Variants in TBC1D16 observed in about 807,000 individuals in gnomAD.
TBC1D16 encodes TBC1 domain family member 16.
TBC1D16 carries 58 observed loss-of-function variants against 74.7 expected under a neutral mutation model. The observed-to-expected ratio is 0.78, with a 90% CI of 0.63 to 0.97. TBC1D16 has a LOEUF of 0.97. TBC1D16 is among the 50% of genes least tolerant of loss of function. TBC1D16 has a pLI of 0.00. For missense variants in TBC1D16, 1,014 were observed against 1,079.5 expected (o/e 0.94, Z 0.85); for synonymous variants, 493 against 474.7 (o/e 1.04, Z -0.50).
chr17:79,956,542 C>G lies in TBC1D16; in HGVS notation c.780-3724G>C, dbSNP rs904443520. ...GTGCTGGGACTACAGGCGTGAGCCA[C>G]CACGCTGGGCCCGGTGGTCGCTTTA... is the stretch of plus-strand genomic sequence containing the variant. On this transcript the variant is annotated intron_variant, in intron 3 of 11. Transcript: ENST00000310924. The surrounding 1 kb of genome is among the most constrained non-coding windows in gnomAD (Gnocchi z 4.0). 6.6e-6 allele frequency among the ~76,000 whole-genome samples: 1 copy of G among 152,178 alleles called. No individual in the cohort carries two copies. Among genetic ancestry groups the G allele is most frequent in the Non-Finnish European group, 1.5e-5 (1 of 68,034 alleles).
intron 1 of TBC1D16, among the ~76,000 whole-genome samples, chr17:80,026,788 G>A: frequency 6.7e-6 from 1 of 149,752 alleles, no homozygotes; most frequent in South Asian, 2.1e-4. Flanking sequence ...CGGGGTTTGA[G>A]GGGGGCAAAG....
At chr17:80,033,166 A>G (rs929442107) in intron 1 of TBC1D16, among the ~76,000 whole-genome samples, 1 of 152,224 alleles carries the variant, frequency 6.6e-6, no homozygotes, top group African/African-American at 2.4e-5. Flanking sequence ...GGTCATTAAT[A>G]ACAGTGTTAA....
intron 3 of TBC1D16, among the ~76,000 whole-genome samples, chr17:79,973,117 T>C (rs917858920): frequency 4.6e-5 from 7 of 152,246 alleles, no homozygotes; most frequent in East Asian, 3.9e-4. Flanking sequence ...GTTATAGTGG[T>C]ACCTCCTTAT....
At chr17:80,034,130 G>C (rs2036862136) in intron 1 of TBC1D16, among the ~76,000 whole-genome samples, 1 of 152,146 alleles carries the variant, frequency 6.6e-6, no homozygotes, top group Middle Eastern at 3.4e-3. Context: ...ATGATAATTA[G>C]GAACTACTAA....
rs935392719 is a variant in TBC1D16 at position 80,020,327 on chromosome 17, T to G, written c.-62-6718A>C. 7.3e-5 allele frequency among the ~76,000 whole-genome samples: 11 copies of G among 149,958 alleles called. 1 individual carries two copies. The highest frequency in any genetic ancestry group is 2.8e-4 in the African/African-American group (11 of 39,350). On this transcript the variant is annotated intron_variant, in intron 1 of 11. Transcript: ENST00000310924. ...GGCCAGGTGTGGTGGCTCACGCCTG[T>G]AATCCCAGCACTTTGGAAGACTGAG...
In TBC1D16 at chr17:79,941,679, G is replaced by A. The variant is rs1192354606; in HGVS notation, c.2055+381C>T. 2.0e-5 allele frequency among the ~76,000 whole-genome samples: 3 copies of A among 152,226 alleles called. No homozygotes were observed. Among genetic ancestry groups the A allele is most frequent in the African/African-American group, 7.2e-5 (3 of 41,460 alleles). The stretch of plus-strand genomic sequence containing the variant: ...AGGTCCCCAGTATTCTGGCCACCCT[G>A]TCCCCAGGTCCAGCCTCCTTCTCAG... On this transcript the variant is annotated intron_variant, in intron 11 of 11. Transcript: ENST00000310924. The surrounding 1 kb of genome is among the most constrained non-coding windows in gnomAD (Gnocchi z 4.3).
rs1444032206 is a variant in TBC1D16 at position 79,980,320 on chromosome 17, A to G, written c.780-27502T>C. Among the ~76,000 whole-genome samples, 1 of 152,146 alleles carries G rather than the reference A, an allele frequency of 6.6e-6. No individual in the cohort carries two copies. The highest frequency in any genetic ancestry group is 1.5e-5 in the Non-Finnish European group (1 of 68,024). On this transcript the variant is annotated intron_variant, in intron 3 of 11. Transcript: ENST00000310924. This position sits in a 1 kb window ranked among gnomAD's most constrained non-coding sequence, Gnocchi z 7.0. ...CAAATTCCCCTTCTCTCTTGGCTTC[A>G]CGGCACGGGCTTCTTGACCACCATG...
chr17:79,975,605 C>T lies in TBC1D16; in HGVS notation c.780-22787G>A, dbSNP rs890777025. Among the ~76,000 whole-genome samples, 6 of 152,126 alleles carry T rather than the reference C, an allele frequency of 3.9e-5. No individual in the cohort carries two copies. Among genetic ancestry groups the T allele is most frequent in the Admixed American group, 3.3e-4 (5 of 15,274 alleles). Reference sequence around the variant, plus strand: ...ACAGAGGGTTGGGGACTGGGGGGGTCGTGCATGAAGACAGCCACCGCCCAC... The same window carrying T: ...ACAGAGGGTTGGGGACTGGGGGGGTTGTGCATGAAGACAGCCACCGCCCAC... On this transcript the variant is annotated intron_variant, in intron 3 of 11. Transcript: ENST00000310924. This position sits in a 1 kb window ranked among gnomAD's most constrained non-coding sequence, Gnocchi z 4.5.
chr17:79,950,477 G>A lies in TBC1D16; in HGVS notation c.1191C>T (p.Gly397=). The change falls in exon 6 of 12, where the codon GGC becomes GGT. Residue 397 remains glycine (G), a synonymous_variant. Coordinates refer to ENST00000310924, the MANE Select transcript of TBC1D16 (RefSeq NM_019020.4). This position sits in a 1 kb window ranked among gnomAD's most constrained non-coding sequence, Gnocchi z 4.6. ...HPEESMYKRL[G]VSAWLNHLNE... The stretch of plus-strand genomic sequence containing the variant: ...TCAGGTGGTTGAGCCAGGCGGAGAC[G>A]CCGAGCCTCTTGTACATGCTCTCCT... 1 of 1,612,908 alleles carries A rather than the reference G, an allele frequency of 6.2e-7. No homozygotes were observed. The highest frequency in any genetic ancestry group is 8.5e-7 in the Non-Finnish European group (1 of 1,179,834).
rs1462529459 is a variant in TBC1D16, at chr17:80,008,122, T to A, written c.779+2038A>T. 6.6e-6 allele frequency among the ~76,000 whole-genome samples: 1 copy of A among 151,742 alleles called. No homozygotes were observed. The highest frequency in any genetic ancestry group is 1.5e-5 in the Non-Finnish European group (1 of 67,980). On this transcript the variant is annotated intron_variant, in intron 3 of 11. Coordinates refer to ENST00000310924, the MANE Select transcript of TBC1D16 (RefSeq NM_019020.4). This position sits in a 1 kb window ranked among gnomAD's most constrained non-coding sequence, Gnocchi z 4.5. ...TGCTCTAGAAGAACCTGGAGGGACC[T>A]GGGCATCAGCGTCTAAAGGCTCCCC... is the stretch of plus-strand genomic sequence containing the variant.
intron 3 of TBC1D16, among the ~76,000 whole-genome samples, chr17:79,982,878 C>T (rs908903070): frequency 6.6e-6 from 1 of 152,078 alleles, no homozygotes; most frequent in East Asian, 1.9e-4. Flanking sequence ...CAAAAAAATT[C>T]CCTGTAGGCA....
chr17:80,011,148 C>A (rs1435621572), intron 2 of TBC1D16, among the ~76,000 whole-genome samples: 2 of 152,044 alleles, frequency 1.3e-5, no homozygotes, highest in South Asian at 2.1e-4. Context: ...CTCAAGCAAT[C>A]CTCCCACCTC....
Position 79,941,128 on chromosome 17 carries a change from G to A in TBC1D16, c.2056-21C>T. ...CTCGCCTGCAGACAGAGGACGGGGG[G>A]TGAGGAGGGGCCGGGGGACAGCCTG... On this transcript the variant is annotated intron_variant, in intron 11 of 11. Coordinates refer to ENST00000310924, the MANE Select transcript of TBC1D16 (RefSeq NM_019020.4). This position sits in a 1 kb window ranked among gnomAD's most constrained non-coding sequence, Gnocchi z 4.3. The A allele has an allele frequency of 6.5e-7, 1 of 1,544,990 alleles. No homozygotes were observed.
At chr17:80,024,262 C>A (rs777192148) in intron 1 of TBC1D16, among the ~76,000 whole-genome samples, 2 of 149,918 alleles carry the variant, frequency 1.3e-5, no homozygotes, top group Non-Finnish European at 2.9e-5. Flanking sequence ...TGCTCCCACC[C>A]CGGAGGAGTC....
At position 79,938,101 on chromosome 17, in the gene TBC1D16, C is replaced by T. The variant is rs1172498523; in HGVS notation, c.*2758G>A. On this transcript the variant is annotated 3_prime_UTR_variant, in exon 12 of 12. Transcript: ENST00000310924. ...ACTGAATTATCGCCCTAATGCCTCTCGCTGGCTGGGAATAATCCCGGGGCA... is the reference window on the plus strand; with the variant it reads ...ACTGAATTATCGCCCTAATGCCTCTTGCTGGCTGGGAATAATCCCGGGGCA... 2 of 152,222 alleles carry T rather than the reference C, an allele frequency of 1.3e-5. No individual in the cohort carries two copies. The highest frequency in any genetic ancestry group is 1.9e-4 in the East Asian group (1 of 5,206). 9.4% of individuals were successfully genotyped at this position (152,222 alleles called of 1,614,324 possible). A position where few individuals can be genotyped will look rare whatever the true frequency, so the allele number is the denominator to read the frequency against.
chr17:79,960,013 A>G (rs1253609325), intron 3 of TBC1D16, among the ~76,000 whole-genome samples: 1 of 152,172 alleles, frequency 6.6e-6, no homozygotes, highest in Non-Finnish European at 1.5e-5. Flanking sequence ...ATGAAATACT[A>G]TTGTTACACA....
chr17:80,015,739 G>A (rs369533257), intron 1 of TBC1D16, among the ~76,000 whole-genome samples: 52 of 152,022 alleles, frequency 3.4e-4, no homozygotes, highest in African/African-American at 9.4e-4. Context: ...GACTGGGAGC[G>A]GTGGCTCACA....
intron 1 of TBC1D16, among the ~76,000 whole-genome samples, chr17:80,013,814 C>G (rs7220604): frequency 0.95 from 145,237 of 152,134 alleles, 69,604 homozygotes; most frequent in Non-Finnish European, 1. Context: ...GCGTCCCTCG[C>G]CTCAACCTGT....
chr17:79,958,918 A>G (rs2143860932), intron 3 of TBC1D16, among the ~76,000 whole-genome samples: 1 of 152,392 alleles, frequency 6.6e-6, no homozygotes, highest in Admixed American at 6.5e-5. Flanking sequence ...AGAAAAGGAA[A>G]TAAAAGGCAT....
Sources: allele counts gnomAD v4.1 joint callset (sites outside exome capture counted in the v4.1 genomes callset), GRCh38; gene constraint gnomAD v4.1.1; non-coding constraint Gnocchi (gnomAD v3.1); transcripts MANE v1.5; gene names NCBI Gene and HGNC (gene_info 2026-07-23, HGNC 2026-07-21).